The following STRBP variants were observed in gnomAD, a reference collection of about 807,000 sequenced individuals.
STRBP encodes spermatid perinuclear RNA binding protein, also known as spermatid perinuclear RNA-binding protein.
STRBP carries 13 observed loss-of-function variants against 80.1 expected under a neutral mutation model. The observed-to-expected ratio is 0.16, with a 90% CI of 0.11 to 0.26. STRBP has a LOEUF of 0.26. Among genes scored for constraint, STRBP ranks in the 10% least tolerant of loss-of-function variants. STRBP has a pLI of 1.00. For synonymous variants in STRBP, 284 were observed against 291.2 expected (o/e 0.98, Z 0.25); for missense variants, 485 against 815.2 (o/e 0.59, Z 4.93).
At chr9:123,135,062 T>C (rs1481043707) in intron 16 of STRBP, among the ~76,000 whole-genome samples, 2 of 152,244 alleles carry the variant, frequency 1.3e-5, no homozygotes, top group East Asian at 1.9e-4. Flanking sequence ...CAATATGCAA[T>C]AGTAAAATGT....
chr9:123,246,477 T>C (rs1024657263), intron 1 of STRBP, among the ~76,000 whole-genome samples: 1 of 152,092 alleles, frequency 6.6e-6, no homozygotes, highest in Non-Finnish European at 1.5e-5. Context: ...ACATTACTAA[T>C]GTAGTTTTTG....
intron 6 of STRBP, among the ~76,000 whole-genome samples, chr9:123,167,312 T>G (rs1339610104): frequency 1.3e-5 from 2 of 151,254 alleles, no homozygotes; most frequent in African/African-American, 4.9e-5. Context: ...AAAAAAAAAG[T>G]ATAAATTAGG....
chr9:123,162,674 C>T (rs2037573172), intron 6 of STRBP, among the ~76,000 whole-genome samples: 3 of 152,194 alleles, frequency 2.0e-5, no homozygotes, highest in African/African-American at 7.2e-5. Context: ...AGCTCTACAC[C>T]AGTTATTTGC....
intron 8 of STRBP, among the ~76,000 whole-genome samples, chr9:123,159,775 T>C (rs1031406251): frequency 6.6e-6 from 1 of 152,240 alleles, no homozygotes; most frequent in African/African-American, 2.4e-5. Flanking sequence ...ATTTAAATTG[T>C]TTTATAATGT....
chr9:123,188,407 C>T (rs185834042), intron 2 of STRBP, among the ~76,000 whole-genome samples: 2 of 152,114 alleles, frequency 1.3e-5, no homozygotes, highest in East Asian at 1.9e-4. Flanking sequence ...TCTGGGAGCC[C>T]GAGGCAGGCG....
In STRBP at chr9:123,239,484, C is replaced by A. The variant is rs2040647502; in HGVS notation, c.-301-2518G>T. Among the ~76,000 whole-genome samples the A allele has an allele frequency of 2.0e-5, 3 of 152,286 alleles. 1 individual carries two copies. Among genetic ancestry groups the A allele is most frequent in the Admixed American group, 2.0e-4 (3 of 15,296 alleles). ...CTCACTGCCAAAACAAAGGCCTGTC[C>A]CAATGACAAGCCTACTCTGACCTCA... On this transcript the variant is annotated intron_variant, in intron 1 of 18. Coordinates refer to ENST00000348403, the MANE Select transcript of STRBP (RefSeq NM_018387.5).
At chr9:123,186,998 C>G (rs928445205) in intron 2 of STRBP, among the ~76,000 whole-genome samples, 1 of 151,936 alleles carries the variant, frequency 6.6e-6, no homozygotes, top group African/African-American at 2.4e-5. Context: ...AGAAATAATT[C>G]CACTACTAAT....
Position 123,169,895 on chromosome 9 carries a change from T to C in STRBP, c.535+7A>G, listed in dbSNP as rs111326919. On this transcript the variant is annotated splice_region_variant and intron_variant, in intron 6 of 18. Coordinates refer to ENST00000348403, the MANE Select transcript of STRBP (RefSeq NM_018387.5). ...ATACATATATATATATATATATACA[T>C]GTGTACCTCCATCCTTCTTCTCCAA... The C allele has an allele frequency of 3.7e-3, 5,364 of 1,442,962 alleles. 171 individuals carry two copies. In the African/African-American group the frequency reaches 0.067, roughly 18 times the overall value. The allele number at this position is 1,442,962 out of a possible 1,614,324, so 89.4% of individuals were successfully genotyped here.
chr9:123,191,484 T>C (rs1392378354), intron 2 of STRBP, among the ~76,000 whole-genome samples: 1 of 152,144 alleles, frequency 6.6e-6, no homozygotes, highest in African/African-American at 2.4e-5. Flanking sequence ...AAACTTTTTC[T>C]TTAAAGTGCC....
chr9:123,158,133 A>G lies in STRBP; in HGVS notation c.934-10T>C. The G allele has an allele frequency of 6.3e-7, 1 of 1,599,142 alleles. No homozygotes were observed. On this transcript the variant is annotated splice_polypyrimidine_tract_variant and intron_variant, in intron 10 of 18. Coordinates refer to ENST00000348403, the MANE Select transcript of STRBP (RefSeq NM_018387.5). The stretch of plus-strand genomic sequence containing the variant: ...ATAGTCTGAGTGCATGCTAAAGAAC[A>G]AAGTATTATATTTAATCACATTTCA...
intron 2 of STRBP, among the ~76,000 whole-genome samples, chr9:123,227,626 T>C (rs1422757960): frequency 1.4e-5 from 2 of 147,582 alleles, no homozygotes; most frequent in East Asian, 4.0e-4. Flanking sequence ...AGTGCAGTGG[T>C]GCAATCTTGG....
At chr9:123,245,328 C>A (rs1338215232) in intron 1 of STRBP, among the ~76,000 whole-genome samples, 6 of 152,230 alleles carry the variant, frequency 3.9e-5, no homozygotes, top group Non-Finnish European at 7.3e-5. Context: ...GCATCCCAAA[C>A]CAATTAAATT....
chr9:123,152,504 A>ACC (rs2037100155), intron 11 of STRBP, among the ~76,000 whole-genome samples: 1 of 152,190 alleles, frequency 6.6e-6, no homozygotes, highest in South Asian at 2.1e-4. Flanking sequence ...TAAACAGTTA[A>ACC]ATAAACTCTA....
At chr9:123,229,128 T>G (rs569807104) in intron 2 of STRBP, among the ~76,000 whole-genome samples, 1 of 152,148 alleles carries the variant, frequency 6.6e-6, no homozygotes, top group Non-Finnish European at 1.5e-5. Context: ...ACATCCAGAA[T>G]AGGCAAATCC....
intron 2 of STRBP, among the ~76,000 whole-genome samples, chr9:123,232,242 CG>C (rs765730395): frequency 9.9e-5 from 15 of 151,996 alleles, no homozygotes; most frequent in Non-Finnish European, 1.9e-4. Context: ...AACCAGGAGG[CG>C]GAGGTTGCAG....
chr9:123,221,861 T>C (rs553963308), intron 2 of STRBP, among the ~76,000 whole-genome samples: 2 of 152,304 alleles, frequency 1.3e-5, no homozygotes, highest in East Asian at 3.9e-4. Flanking sequence ...GATCTCTATA[T>C]TGTAAAATTA....
intron 13 of STRBP, among the ~76,000 whole-genome samples, chr9:123,142,151 G>C (rs1210202272): frequency 1.3e-5 from 2 of 152,178 alleles, no homozygotes; most frequent in Non-Finnish European, 2.9e-5. Context: ...ATGTCAAATT[G>C]AAATCCCCAG....
At chr9:123,259,914 C>T (rs1382080484) in intron 1 of STRBP, among the ~76,000 whole-genome samples, 3 of 152,140 alleles carry the variant, frequency 2.0e-5, no homozygotes, top group African/African-American at 7.2e-5. Flanking sequence ...GCTAATAGGT[C>T]AAATAAGAAA....
chr9:123,197,157 A>G (rs1023850421), intron 2 of STRBP, among the ~76,000 whole-genome samples: 1 of 152,208 alleles, frequency 6.6e-6, no homozygotes, highest in Non-Finnish European at 1.5e-5. Context: ...AAAACTTCAA[A>G]TGTTCTTACT....
Sources: gnomAD v4.1 joint callset for allele counts (sites outside exome capture counted in the v4.1 genomes callset) on GRCh38, gnomAD v4.1.1 for gene constraint, MANE v1.5 for transcripts, NCBI Gene and HGNC (gene_info 2026-07-23, HGNC 2026-07-21) for gene names.